TTLL8: variants seen among roughly 807,000 people sequenced by gnomAD.
TTLL8 encodes the protein tubulin tyrosine ligase like 8.
A neutral mutation model predicts 77.8 loss-of-function variants in TTLL8; 65 were observed. The observed-to-expected ratio is 0.84, with a 90% confidence interval of 0.68 to 1.03. The LOEUF is 1.03. Ranked by LOEUF, TTLL8 falls within the 50% of genes least tolerant of loss-of-function variation. The pLI is 0.00. For missense variants in TTLL8, 910 were observed against 1,004.5 expected, an observed-to-expected ratio of 0.91 and a Z score of 1.27; for synonymous variants, 402 against 422.8, an observed-to-expected ratio of 0.95 and a Z score of 0.60.
Position 50,041,534 on chromosome 22 carries a change from C to T in TTLL8, c.830+87G>A, listed in dbSNP as rs1569229014. Reference sequence around the variant, plus strand: ...TAGCCTAATGCCCAGACAGGTGACCCAGTTCCCAGAGGCTGCACTGCCCCG... The same window carrying T: ...TAGCCTAATGCCCAGACAGGTGACCTAGTTCCCAGAGGCTGCACTGCCCCG... On this transcript the variant is annotated intron_variant, in intron 7 of 13. Coordinates refer to ENST00000266182, the Ensembl canonical transcript of TTLL8. The surrounding 1 kb of genome is among the most constrained non-coding windows in gnomAD (Gnocchi z 4.3). The T allele has an allele frequency of 1.6e-6, 2 of 1,235,300 alleles. No homozygotes were observed. Among genetic ancestry groups the T allele is most frequent in the Middle Eastern group, 2.7e-4 (1 of 3,720 alleles). The allele number at this position is 1,235,300 out of a possible 1,614,324, so 76.5% of individuals were successfully genotyped here.
chr22:50,049,937 C>T (rs138632762), intron 2 of TTLL8, 172 bp downstream of exon 4: 162 of 645,458 alleles, frequency 2.5e-4, no homozygotes, highest in South Asian at 1.8e-3. Flanking sequence ...TTGCCTGGCA[C>T]GACCGCCTGG....
chr22:50,032,024 A>G (rs1489103196), exon 11 of TTLL8: 3 of 1,366,520 alleles, frequency 2.2e-6, no homozygotes. Context: ...GTGCTGGTCC[A>G]CATGTTGTGT....
intron 8 of TTLL8, among the ~76,000 whole-genome samples, chr22:50,040,130 A>ATTT (rs2061361026): frequency 6.6e-6 from 1 of 151,296 alleles, no homozygotes; most frequent in African/African-American, 2.4e-5. Context: ...GACCTCACAG[A>ATTT]CCTCACATGT....
intron 4 of TTLL8, among the ~76,000 whole-genome samples, chr22:50,046,688 T>C (rs1218108965): frequency 6.6e-6 from 1 of 152,170 alleles, no homozygotes; most frequent in Non-Finnish European, 1.5e-5. Flanking sequence ...GGGAAGCCCC[T>C]CTTCCGGGAC....
intron 10 of TTLL8, among the ~76,000 whole-genome samples, chr22:50,032,352 G>GGA (rs2061302872): frequency 6.6e-6 from 1 of 152,160 alleles, no homozygotes; most frequent in Non-Finnish European, 1.5e-5. Flanking sequence ...GCCCAGAAAT[G>GGA]GGCGCTGGCA....
intron 5 of TTLL8, 63 bp downstream of exon 7, chr22:50,045,793 G>A: frequency 7.8e-7 from 1 of 1,283,468 alleles, no homozygotes; most frequent in South Asian, 1.2e-5. Flanking sequence ...TCAGCACCAG[G>A]GGGATCTTTC....
At chr22:50,049,202 A>C (rs764021657) in intron 3 of TTLL8, 47 bp downstream of exon 5, 1 of 1,366,820 alleles carries the variant, frequency 7.3e-7, no homozygotes, top group Non-Finnish European at 9.8e-7. Flanking sequence ...CGGTGTGAGA[A>C]GCTTTGGAGA....
chr22:50,043,873 T>G (rs929477042), intron 6 of TTLL8, among the ~76,000 whole-genome samples: 1 of 151,822 alleles, frequency 6.6e-6, no homozygotes, highest in Non-Finnish European at 1.5e-5. Context: ...GGCGGGGGGA[T>G]GAAGAGACAG....
chr22:50,055,317 G>A (rs1202505180), upstream of TTLL8: 7 of 1,289,956 alleles, frequency 5.4e-6, no homozygotes, highest in South Asian at 1.2e-5. Context: ...GAAATTCCTT[G>A]TTTTAATTCT....
chr22:50,035,105 G>A (rs2146657813), intron 8 of TTLL8, among the ~76,000 whole-genome samples: 1 of 152,282 alleles, frequency 6.6e-6, no homozygotes, highest in East Asian at 1.9e-4. Context: ...CACTCCTGCT[G>A]CCCGGATGGA....
At chr22:50,045,575 C>T (rs1339966797) in intron 5 of TTLL8, among the ~76,000 whole-genome samples, 186 bp from the exon 8 acceptor site, 4 of 152,192 alleles carry the variant, frequency 2.6e-5, no homozygotes, top group Admixed American at 6.5e-5. Flanking sequence ...TGACTGCGGC[C>T]GTCCAGCTGC....
rs116895583 is a variant in TTLL8 at position 50,027,980 on chromosome 22, C to A, written c.2203+2450G>T. On this transcript the variant is annotated intron_variant, in intron 12 of 13. Coordinates refer to ENST00000266182, the Ensembl canonical transcript of TTLL8. ...CGCCAGCACCCACAAGTGAGAGGCGCCTCAGACACGTGGTGTCGGCTTTGG... is the reference window on the plus strand; with the variant it reads ...CGCCAGCACCCACAAGTGAGAGGCGACTCAGACACGTGGTGTCGGCTTTGG... Among the ~76,000 whole-genome samples, 90 of 152,366 alleles carry A rather than the reference C, an allele frequency of 5.9e-4. No homozygotes were observed. The East Asian group carries it at 0.015, about 25-fold the overall frequency.
In TTLL8 at chr22:50,034,102, A is replaced by G. The variant is rs2061318297; in HGVS notation, c.1039+243T>C. 6.6e-6 allele frequency among the ~76,000 whole-genome samples: 1 copy of G among 152,264 alleles called. No homozygotes were observed. Among genetic ancestry groups the G allele is most frequent in the South Asian group, 2.1e-4 (1 of 4,838 alleles). ...AAAGCATAGACCAGTTTGTGAATAC[A>G]AAGGAGGAAATCCTGATTAACCCAT... On this transcript the variant is annotated intron_variant, in intron 9 of 13. Transcript: ENST00000266182. This position sits in a 1 kb window ranked among gnomAD's most constrained non-coding sequence, Gnocchi z 4.1.
At chr22:50,055,398 A>G (rs2061465610), upstream of TTLL8, 1 of 1,171,728 alleles carries the variant, frequency 8.5e-7, no homozygotes. Context: ...TCATGCCTGT[A>G]ATCCCAGCAC....
At chr22:50,052,488 G>A (rs1183034949) in intron 1 of TTLL8, among the ~76,000 whole-genome samples, 4 of 152,156 alleles carry the variant, frequency 2.6e-5, no homozygotes, top group East Asian at 3.8e-4. Flanking sequence ...CCAAAGGAAC[G>A]TACTAAATGA....
Position 50,050,215 on chromosome 22 carries a change from G to C in TTLL8, c.84C>G (p.Tyr28Ter). The change falls in exon 2 of 14, where the codon TAC becomes TAG. Residue 28 changes from tyrosine to a stop codon, truncating the protein, a stop_gained. Coordinates refer to ENST00000266182, the Ensembl canonical transcript of TTLL8. LOFTEE classifies it high-confidence loss of function. ...TTCGCAGAGCGGCCCGGACCACCGG[G>C]TAGTGTCCGTAGATAGAGAAAATCT... The C allele has an allele frequency of 7.4e-7, 1 of 1,350,636 alleles. No homozygotes were observed. The highest frequency in any genetic ancestry group is 9.9e-7 in the Non-Finnish European group (1 of 1,014,286). 83.7% of individuals were successfully genotyped at this position (1,350,636 alleles called of 1,614,324 possible). A position where few individuals can be genotyped will look rare whatever the true frequency, so the allele number is the denominator to read the frequency against.
chr22:50,041,882 C>G lies in TTLL8; in HGVS notation c.644-75G>C, dbSNP rs1312422760. On this transcript the variant is annotated intron_variant, in intron 6 of 13. Coordinates refer to ENST00000266182, the Ensembl canonical transcript of TTLL8. This position sits in a 1 kb window ranked among gnomAD's most constrained non-coding sequence, Gnocchi z 4.3. The stretch of plus-strand genomic sequence containing the variant: ...CCCTGCCCGCCTCGAGGGGTGATGT[C>G]TAAAGTCATGGACAAAGGCTGCTCC... The G allele has an allele frequency of 1.3e-5, 16 of 1,246,354 alleles. No homozygotes were observed. The highest frequency in any genetic ancestry group is 1.6e-5 in the Non-Finnish European group (15 of 956,792). 77.2% of individuals were successfully genotyped at this position (1,246,354 alleles called of 1,614,324 possible). A position where few individuals can be genotyped will look rare whatever the true frequency, so the allele number is the denominator to read the frequency against.
In TTLL8 at chr22:50,031,937, CCTT is replaced by C. The variant is rs747276996; in HGVS notation, c.1453_1455del (p.Lys485del). On this transcript the variant is annotated inframe_deletion, in exon 11 of 14. Coordinates refer to ENST00000266182, the Ensembl canonical transcript of TTLL8. ...GCCACCTTCATGGCGTGGGCGATGG[CCTT>C]CTTCATGGACGGGTAGATGACGCTG... 4 of 1,366,968 alleles carry C rather than the reference CCTT, an allele frequency of 2.9e-6. No individual in the cohort carries two copies. In the East Asian group the frequency reaches 1.8e-4, roughly 62 times the overall value. The allele number at this position is 1,366,968 out of a possible 1,614,324, so 84.7% of individuals were successfully genotyped here. A position where few individuals can be genotyped will look rare whatever the true frequency, so the allele number is the denominator to read the frequency against.
intron 2 of TTLL8, 125 bp downstream of exon 4, chr22:50,049,984 C>T (rs560243103): frequency 4.3e-6 from 5 of 1,152,808 alleles, no homozygotes; most frequent in African/African-American, 3.2e-5. Context: ...GACCTGGGGT[C>T]GGAGATACCC....
Sources: allele counts gnomAD v4.1 joint callset (sites outside exome capture counted in the v4.1 genomes callset), GRCh38; gene constraint gnomAD v4.1.1; non-coding constraint Gnocchi (gnomAD v3.1); transcripts MANE v1.5; gene names NCBI Gene and HGNC (gene_info 2026-07-23, HGNC 2026-07-21).